SRBD1: variants seen among roughly 807,000 people sequenced by gnomAD.
The protein encoded by SRBD1 is S1 RNA binding domain 1.
A neutral mutation model predicts 115.3 loss-of-function variants in SRBD1; 88 were observed. The observed-to-expected ratio is 0.76, with a 90% CI of 0.64 to 0.91. SRBD1 has a LOEUF of 0.91. Among genes scored for constraint, SRBD1 ranks in the 40% least tolerant of loss-of-function variants. The pLI is 0.00. For missense variants in SRBD1, 1,385 were observed against 1,177.4 expected (o/e 1.18, Z -2.58); for synonymous variants, 509 against 407.7 (o/e 1.25, Z -2.99).
chr2:45,560,898 G>A (rs575462434), intron 10 of SRBD1, among the ~76,000 whole-genome samples: 1 of 151,644 alleles, frequency 6.6e-6, no homozygotes, highest in Admixed American at 6.6e-5. Context: ...TTGAGCCCAG[G>A]AGTTCAAGAC....
chr2:45,593,234 A>C (rs1339055230), intron 4 of SRBD1, among the ~76,000 whole-genome samples: 1 of 152,194 alleles, frequency 6.6e-6, no homozygotes, highest in African/African-American at 2.4e-5. Flanking sequence ...ACTATATGAG[A>C]AAGGTACTTT....
chr2:45,413,886 C>T (rs1049831595), intron 18 of SRBD1, among the ~76,000 whole-genome samples: 5 of 151,912 alleles, frequency 3.3e-5, no homozygotes, highest in African/African-American at 1.2e-4. Context: ...GAGCTGAGAT[C>T]CTGCCACTGC....
intron 14 of SRBD1, among the ~76,000 whole-genome samples, chr2:45,491,187 T>A (rs1670280971): frequency 6.6e-6 from 1 of 152,184 alleles, no homozygotes; most frequent in South Asian, 2.1e-4. Context: ...ACACTAAATT[T>A]ACGAAAACAC....
chr2:45,529,295 A>G (rs1179692709), intron 14 of SRBD1, among the ~76,000 whole-genome samples: 1 of 151,958 alleles, frequency 6.6e-6, no homozygotes, highest in East Asian at 1.9e-4. Context: ...CTTCTCACTA[A>G]GAAAATGTAG....
At position 45,545,303 on chromosome 2, in the gene SRBD1, A is replaced by C. The variant is rs893961184; in HGVS notation, c.1874+1429T>G. ...TCAATTAAAAAAAAAAAAAAAAAAA[A>C]AAAAAAAAAAAACAGATGAACCCAG... On this transcript the variant is annotated intron_variant, in intron 14 of 20. Transcript: ENST00000263736. 4.5e-4 allele frequency among the ~76,000 whole-genome samples: 67 copies of C among 149,214 alleles called. 2 individuals are homozygous for C. Among genetic ancestry groups the C allele is most frequent in the Admixed American group, 3.6e-3 (53 of 14,912 alleles).
At position 45,547,632 on chromosome 2, in the gene SRBD1, T is replaced by C; in HGVS notation, c.1676-20A>G. 4 of 1,581,112 alleles carry C rather than the reference T, an allele frequency of 2.5e-6. No homozygotes were observed. Among genetic ancestry groups the C allele is most frequent in the Middle Eastern group, 3.4e-4 (2 of 5,936 alleles). ...TCTGACCTTTAAAAAATGAAAAGAATAAGCCATTTTATAAGAAATTACAAA... is the reference window on the plus strand; with the variant it reads ...TCTGACCTTTAAAAAATGAAAAGAACAAGCCATTTTATAAGAAATTACAAA... On this transcript the variant is annotated intron_variant, in intron 12 of 20. Transcript: ENST00000263736.
chr2:45,446,539 T>G (rs1668828881), intron 16 of SRBD1, among the ~76,000 whole-genome samples: 2 of 152,082 alleles, frequency 1.3e-5, no homozygotes, highest in South Asian at 4.1e-4. Flanking sequence ...AGTTTTCAAG[T>G]GTGAAGTCTG....
In SRBD1 at chr2:45,451,486, T is replaced by C. The variant is rs139769702; in HGVS notation, c.2049+25507A>G. Among the ~76,000 whole-genome samples, 538 of 152,170 alleles carry C rather than the reference T, an allele frequency of 3.5e-3. 2 individuals are homozygous for C. The highest frequency in any genetic ancestry group is 8.1e-3 in the South Asian group (39 of 4,826). On this transcript the variant is annotated intron_variant, in intron 16 of 20. Coordinates refer to ENST00000263736, the MANE Select transcript of SRBD1 (RefSeq NM_018079.5). ...AAATGACAGAGTACTAGGTATGACA[T>C]ACTATCAGAGATTTTGTGGAAGAGA...
intron 16 of SRBD1, among the ~76,000 whole-genome samples, chr2:45,462,511 A>G (rs1049874049): frequency 6.6e-6 from 1 of 152,148 alleles, no homozygotes; most frequent in Non-Finnish European, 1.5e-5. Flanking sequence ...AAGAATATAC[A>G]CTTTTTAATA....
At chr2:45,540,902 T>C (rs1671912752) in intron 14 of SRBD1, among the ~76,000 whole-genome samples, 1 of 152,254 alleles carries the variant, frequency 6.6e-6, no homozygotes, top group Admixed American at 6.5e-5. Flanking sequence ...CCATTGAGGA[T>C]ACAGAGAAAC....
At chr2:45,597,998 A>G (rs1673958533) in intron 4 of SRBD1, among the ~76,000 whole-genome samples, 1 of 152,336 alleles carries the variant, frequency 6.6e-6, no homozygotes, top group East Asian at 1.9e-4. Context: ...AACAATGGAA[A>G]TAACCTTAAA....
chr2:45,425,812 T>C (rs1203618545), intron 16 of SRBD1, among the ~76,000 whole-genome samples: 2 of 152,146 alleles, frequency 1.3e-5, no homozygotes, highest in African/African-American at 4.8e-5. Context: ...TGGTACACTC[T>C]GCCCCAAATA....
intron 16 of SRBD1, among the ~76,000 whole-genome samples, chr2:45,458,296 G>A (rs1669215181): frequency 6.6e-6 from 1 of 151,936 alleles, no homozygotes; most frequent in South Asian, 2.1e-4. Flanking sequence ...TATTTTGAAG[G>A]GTAAAACTAA....
At chr2:45,593,266 C>G (rs1673781390) in intron 4 of SRBD1, among the ~76,000 whole-genome samples, 1 of 152,022 alleles carries the variant, frequency 6.6e-6, no homozygotes, top group African/African-American at 2.4e-5. Flanking sequence ...TTTATAAATG[C>G]AAAAACTGAG....
intron 14 of SRBD1, among the ~76,000 whole-genome samples, chr2:45,489,444 A>G (rs1447139143): frequency 2.0e-5 from 3 of 152,206 alleles, no homozygotes; most frequent in Non-Finnish European, 4.4e-5. Context: ...GAATTCTTGA[A>G]TAAATTTTTA....
chr2:45,471,417 C>A (rs1241369900), intron 16 of SRBD1, among the ~76,000 whole-genome samples: 1 of 152,140 alleles, frequency 6.6e-6, no homozygotes, highest in African/African-American at 2.4e-5. Context: ...TATATTTCAA[C>A]TCATACTATA....
chr2:45,529,093 A>G (rs543794723), intron 14 of SRBD1, among the ~76,000 whole-genome samples: 3 of 152,034 alleles, frequency 2.0e-5, no homozygotes, highest in African/African-American at 7.2e-5. Flanking sequence ...GAAAATGTCA[A>G]TAATTAACAG....
At chr2:45,412,250 A>G (rs1667625365) in intron 19 of SRBD1, among the ~76,000 whole-genome samples, 1 of 152,122 alleles carries the variant, frequency 6.6e-6, no homozygotes, top group Non-Finnish European at 1.5e-5. Flanking sequence ...TTTTTTTCCA[A>G]TTTTTCTGTA....
intron 16 of SRBD1, among the ~76,000 whole-genome samples, chr2:45,431,563 G>C (rs1442905342): frequency 6.6e-6 from 1 of 152,088 alleles, no homozygotes; most frequent in African/African-American, 2.4e-5. Flanking sequence ...CTCATAAATG[G>C]GAGTTGAACA....
Sources: gnomAD v4.1 joint callset for allele counts (sites outside exome capture counted in the v4.1 genomes callset) on GRCh38, gnomAD v4.1.1 for gene constraint, MANE v1.5 for transcripts, NCBI Gene and HGNC (gene_info 2026-07-23, HGNC 2026-07-21) for gene names.